Variants in GRID2 observed in about 807,000 individuals in gnomAD.
GRID2 encodes the protein glutamate receptor ionotropic, delta-2.
In GRID2, 33 loss-of-function variants were observed where a neutral mutation model predicts 114.8. That is an observed-to-expected ratio of 0.29 (90% CI 0.22 to 0.38). The LOEUF (loss-of-function observed/expected upper bound fraction) is 0.38, where lower values mean the gene tolerates loss of function less well. GRID2 is among the 10% of genes least tolerant of loss of function. GRID2 has a pLI of 1.00. For missense variants in GRID2, 1,184 were observed against 1,257.7 expected, an observed-to-expected ratio of 0.94 and a Z score of 0.89; for synonymous variants, 505 against 449.9, an observed-to-expected ratio of 1.12 and a Z score of -1.55.
At chr4:93,073,962 T>A (rs1729041415) in intron 2 of GRID2, among the ~76,000 whole-genome samples, 1 of 152,170 alleles carries the variant, frequency 6.6e-6, no homozygotes, top group African/African-American at 2.4e-5. Flanking sequence ...ACAACAGATG[T>A]CTACCACAGG....
chr4:93,427,344 T>C (rs1437853516), intron 10 of GRID2, among the ~76,000 whole-genome samples: 2 of 152,036 alleles, frequency 1.3e-5, no homozygotes, highest in Non-Finnish European at 2.9e-5. Flanking sequence ...ATTATTGTTA[T>C]TATATCTTCT....
intron 1 of GRID2, among the ~76,000 whole-genome samples, chr4:92,390,373 T>G (rs2870624): frequency 6.6e-6 from 1 of 151,948 alleles, no homozygotes; most frequent in African/African-American, 2.4e-5. Flanking sequence ...AATTTATCAA[T>G]TAGAATTTGC....
intron 6 of GRID2, among the ~76,000 whole-genome samples, chr4:93,223,868 A>C (rs1417830468): frequency 6.6e-6 from 1 of 152,160 alleles, no homozygotes; most frequent in Non-Finnish European, 1.5e-5. Context: ...GAATACAGTA[A>C]AACCTTAGCA....
At chr4:92,868,141 A>G (rs1353004960) in intron 2 of GRID2, among the ~76,000 whole-genome samples, 1 of 150,632 alleles carries the variant, frequency 6.6e-6, no homozygotes, top group Non-Finnish European at 1.5e-5. Flanking sequence ...CAAGTTAACT[A>G]TTTCATAGTC....
At chr4:93,035,532 A>G (rs1381020291) in intron 2 of GRID2, among the ~76,000 whole-genome samples, 6 of 152,074 alleles carry the variant, frequency 3.9e-5, no homozygotes, top group Non-Finnish European at 8.8e-5. Flanking sequence ...TCGCCTGCAA[A>G]CTGAGCATGG....
At chr4:93,301,745 A>T (rs34334785) in intron 8 of GRID2, among the ~76,000 whole-genome samples, 8,225 of 152,192 alleles carry the variant, frequency 0.054, 748 homozygotes, top group African/African-American at 0.19. Context: ...ATATATTTAC[A>T]ATGTCTCACA....
intron 1 of GRID2, among the ~76,000 whole-genome samples, chr4:92,552,443 C>T (rs1004364559): frequency 5.9e-5 from 9 of 151,858 alleles, no homozygotes; most frequent in African/African-American, 1.7e-4. Context: ...ACAGAAGGAA[C>T]GGTTGGAGAG....
chr4:92,838,285 G>A (rs1041899884), intron 2 of GRID2, among the ~76,000 whole-genome samples: 4 of 152,072 alleles, frequency 2.6e-5, no homozygotes, highest in Non-Finnish European at 4.4e-5. Context: ...ACTACCATGT[G>A]TGACATGTGA....
intron 2 of GRID2, among the ~76,000 whole-genome samples, chr4:92,930,770 A>T (rs1489137841): frequency 6.6e-6 from 1 of 151,104 alleles, no homozygotes; most frequent in East Asian, 1.9e-4. Context: ...ATACACATGC[A>T]TAATTGTTAA....
intron 2 of GRID2, among the ~76,000 whole-genome samples, chr4:92,919,575 G>T (rs566518223): frequency 6.6e-6 from 1 of 152,284 alleles, no homozygotes; most frequent in African/African-American, 2.4e-5. Context: ...TGGTTTCAAA[G>T]AACATCTTTA....
chr4:93,182,849 C>G (rs1423635614), intron 4 of GRID2, among the ~76,000 whole-genome samples: 1 of 152,144 alleles, frequency 6.6e-6, no homozygotes, highest in Admixed American at 6.5e-5. Flanking sequence ...AGAGTGTGTT[C>G]CCTGAATCAG....
chr4:92,485,223 A>G (rs1487711389), intron 1 of GRID2, among the ~76,000 whole-genome samples: 1 of 147,672 alleles, frequency 6.8e-6, no homozygotes, highest in Admixed American at 6.8e-5. Context: ...AAATGTTTCT[A>G]ATTGAATAAA....
At chr4:93,737,056 C>G (rs1250223218) in intron 14 of GRID2, among the ~76,000 whole-genome samples, 2 of 151,948 alleles carry the variant, frequency 1.3e-5, no homozygotes, top group East Asian at 3.9e-4. Context: ...CATTCTTAAT[C>G]TCTCAGCAGC....
intron 2 of GRID2, among the ~76,000 whole-genome samples, chr4:92,853,223 A>C (rs1743949778): frequency 6.6e-6 from 1 of 152,034 alleles, no homozygotes; most frequent in Non-Finnish European, 1.5e-5. Context: ...ATTAAATGAT[A>C]TAATATATGA....
At chr4:93,337,995 T>C (rs1759260376) in intron 8 of GRID2, among the ~76,000 whole-genome samples, 1 of 152,190 alleles carries the variant, frequency 6.6e-6, no homozygotes, top group South Asian at 2.1e-4. Context: ...AGTTTTCTGA[T>C]TTGTTATCTC....
intron 2 of GRID2, among the ~76,000 whole-genome samples, chr4:92,947,556 A>G (rs1236373701): frequency 6.6e-6 from 1 of 151,920 alleles, no homozygotes; most frequent in Non-Finnish European, 1.5e-5. Context: ...TTTTTTTTCA[A>G]AAACTGACTA....
intron 4 of GRID2, among the ~76,000 whole-genome samples, chr4:93,126,833 G>A (rs1271457333): frequency 6.6e-6 from 1 of 151,686 alleles, no homozygotes; most frequent in Non-Finnish European, 1.5e-5. Context: ...TCCTGACCTC[G>A]TGATCCGCCC....
intron 2 of GRID2, among the ~76,000 whole-genome samples, chr4:92,802,619 G>A (rs896129255): frequency 1.3e-5 from 2 of 151,850 alleles, no homozygotes; most frequent in Non-Finnish European, 2.9e-5. Context: ...TTTCTACTGC[G>A]TTACAAAGCT....
intron 2 of GRID2, among the ~76,000 whole-genome samples, chr4:92,635,623 C>T (rs1433138534): frequency 6.6e-5 from 10 of 151,810 alleles, no homozygotes; most frequent in African/African-American, 2.2e-4. Flanking sequence ...AAAGAAAATA[C>T]GTTGAAAACT....
Sources: allele counts gnomAD v4.1 joint callset (sites outside exome capture counted in the v4.1 genomes callset), GRCh38; gene constraint gnomAD v4.1.1; transcripts MANE v1.5; gene names NCBI Gene and HGNC (gene_info 2026-07-23, HGNC 2026-07-21).